The following CARHSP1 variants were observed in gnomAD, a reference collection of about 807,000 sequenced individuals.
CARHSP1 encodes calcium regulated heat stable protein 1.
Under a neutral mutation model 12.5 loss-of-function variants are expected in CARHSP1, and 14 were observed. That is an observed-to-expected ratio of 1.12 (90% CI 0.74 to 1.75). CARHSP1 has a LOEUF of 1.75. CARHSP1 is among the 40% of genes most tolerant of loss of function. The pLI is 0.00. For synonymous variants in CARHSP1, 161 were observed against 82.0 expected, an observed-to-expected ratio of 1.96 and a Z score of -5.20; for missense variants, 343 against 201.6, an observed-to-expected ratio of 1.70 and a Z score of -4.25.
chr16:8,866,560 A>G (rs2061458836), intron 1 of CARHSP1: 1 of 615,024 alleles, frequency 1.6e-6, no homozygotes, highest in African/African-American at 2.0e-5. Flanking sequence ...AGCTGAGCCC[A>G]GATAGAAGGG....
rs751527375 is a variant in CARHSP1 at position 8,859,282 on chromosome 16, G to A, written c.47C>T (p.Ala16Val). The change falls in exon 2 of 4, where the codon GCT becomes GTT. Residue 16 changes from alanine to valine, a missense_variant. Physicochemically the swap from Ala to Val is moderately conservative, Grantham distance 64. Coordinates refer to ENST00000311052, the MANE Select transcript of CARHSP1 (RefSeq NM_014316.4). ...PPPPQPPTHQ[A>V]SVGLLDTPRS... The stretch of plus-strand genomic sequence containing the variant: ...AGGGGTGTCCAGCAGCCCGACTGAA[G>A]CTTGATGGGTGGGGGGCTGTGGTGG... 12 of 1,603,636 alleles carry A rather than the reference G, an allele frequency of 7.5e-6. No homozygotes were observed. The highest frequency in any genetic ancestry group is 2.8e-5 in the African/African-American group (2 of 72,666).
In CARHSP1 at chr16:8,853,451, C is replaced by A. The variant is rs1335719153; in HGVS notation, c.*1713G>T. The A allele has an allele frequency of 6.6e-6, 1 of 152,086 alleles. No individual in the cohort carries two copies. Among genetic ancestry groups the A allele is most frequent in the Non-Finnish European group, 1.5e-5 (1 of 68,030 alleles). The allele number at this position is 152,086 out of a possible 1,614,324, so 9.4% of individuals were successfully genotyped here. A position where few individuals can be genotyped will look rare whatever the true frequency, so the allele number is the denominator to read the frequency against. ...GGCCAGGACCTAACTGTGGTGGGAACTGCCTTTGTCTCCACACACTCGCAA... is the reference window on the plus strand; with the variant it reads ...GGCCAGGACCTAACTGTGGTGGGAAATGCCTTTGTCTCCACACACTCGCAA... On this transcript the variant is annotated 3_prime_UTR_variant, in exon 4 of 4. Transcript: ENST00000311052.
chr16:8,856,835 T>C (rs1375353481), intron 3 of CARHSP1, among the ~76,000 whole-genome samples: 2 of 151,958 alleles, frequency 1.3e-5, no homozygotes, highest in East Asian at 1.9e-4. Context: ...GCCCAGAGGA[T>C]CAGAGGTGAA....
chr16:8,860,023 G>A (rs1329791689), intron 1 of CARHSP1: 2 of 431,752 alleles, frequency 4.6e-6, no homozygotes, highest in East Asian at 3.1e-4. Flanking sequence ...CAACCACCTA[G>A]ATCCAAACTC....
chr16:8,860,701 G>A (rs146588713), intron 1 of CARHSP1, among the ~76,000 whole-genome samples: 1 of 152,196 alleles, frequency 6.6e-6, no homozygotes, highest in Admixed American at 6.5e-5. Context: ...AGCCGGGAGG[G>A]ACAGCAGCAG....
chr16:8,858,255 C>G (rs1596530533), intron 3 of CARHSP1, 95 bp downstream of exon 3: 3 of 1,432,694 alleles, frequency 2.1e-6, no homozygotes, highest in Non-Finnish European at 2.8e-6. Flanking sequence ...CGTCCTCACA[C>G]CCAGCGCCCA....
At position 8,854,282 on chromosome 16, in the gene CARHSP1, A is replaced by T. The variant is rs947277297; in HGVS notation, c.*882T>A. The T allele has an allele frequency of 5.3e-5, 8 of 152,144 alleles. No individual in the cohort carries two copies. The highest frequency in any genetic ancestry group is 8.8e-5 in the Non-Finnish European group (6 of 68,024). 9.4% of individuals were successfully genotyped at this position (152,144 alleles called of 1,614,324 possible). The stretch of plus-strand genomic sequence containing the variant: ...TTGCCAGGCTGTCAGGATGCAAGCT[A>T]CCTACTCTTTTCTGGATGGATCGGG... On this transcript the variant is annotated 3_prime_UTR_variant, in exon 4 of 4. Transcript: ENST00000311052.
In CARHSP1 at chr16:8,856,556, T is replaced by C. The variant is rs368956952; in HGVS notation, c.282-1230A>G. Among the ~76,000 whole-genome samples, 49 of 151,974 alleles carry C rather than the reference T, an allele frequency of 3.2e-4. 1 individual carries two copies. Among genetic ancestry groups the C allele is most frequent in the African/African-American group, 1.2e-3 (49 of 41,428 alleles). On this transcript the variant is annotated intron_variant, in intron 3 of 3. Coordinates refer to ENST00000311052, the MANE Select transcript of CARHSP1 (RefSeq NM_014316.4). ...GGAAATACCCTTACACATCCATGTA[T>C]GCATGCATATGTGAAATGCGTCACC...
chr16:8,862,913 G>A (rs1226944282), intron 1 of CARHSP1, among the ~76,000 whole-genome samples: 1 of 151,920 alleles, frequency 6.6e-6, no homozygotes, highest in East Asian at 1.9e-4. Context: ...CCCAAAATGG[G>A]GGCCCCCTTC....
rs763437637 is a variant in CARHSP1, at chr16:8,859,237, G to C, written c.92C>G (p.Pro31Arg). The change falls in exon 2 of 4, where the codon CCA becomes CGA. Residue 31 changes from proline to arginine, a missense_variant. Pro to Arg is a moderately radical substitution (Grantham distance 103). Coordinates refer to ENST00000311052, the MANE Select transcript of CARHSP1 (RefSeq NM_014316.4). ...LDTPRSRERS[P>R]SPLRGNVVPS... ...GACCACGTTGCCCCGCAGAGGGGAT[G>C]GTGAGCGCTCACGGCTCCGAGGGGT... is the stretch of plus-strand genomic sequence containing the variant. 3.1e-6 allele frequency: 5 copies of C among 1,602,178 alleles called. No homozygotes were observed. Among genetic ancestry groups the C allele is most frequent in the Non-Finnish European group, 3.4e-6 (4 of 1,176,836 alleles).
chr16:8,858,360 G>A lies in CARHSP1; in HGVS notation c.271C>T (p.His91Tyr). The change falls in exon 3 of 4, where the codon CAC becomes TAC. Residue 91 changes from histidine to tyrosine, a missense_variant. By Grantham distance (83) the His-to-Tyr change is moderately conservative. Transcript: ENST00000311052. ...PADGGPDIFL[H>Y]ISDVEGEYVP... ...CTGCCGCTGACTCACTCAGAGATGTGCAGGAAGATGTCGGGGCCGCCATCA... is the reference window on the plus strand; with the variant it reads ...CTGCCGCTGACTCACTCAGAGATGTACAGGAAGATGTCGGGGCCGCCATCA... 1.9e-6 allele frequency: 3 copies of A among 1,613,762 alleles called. No homozygotes were observed. Among genetic ancestry groups the A allele is most frequent in the Non-Finnish European group, 1.7e-6 (2 of 1,179,992 alleles).
intron 1 of CARHSP1, chr16:8,868,560 C>T (rs1021058135): frequency 2.0e-5 from 3 of 148,660 alleles, no homozygotes; most frequent in African/African-American, 7.3e-5. Context: ...CGGCCAGGCC[C>T]GGCGGGGGGT....
In CARHSP1 at chr16:8,853,816, T is replaced by C. The variant is rs1392045595; in HGVS notation, c.*1348A>G. On this transcript the variant is annotated 3_prime_UTR_variant, in exon 4 of 4. Coordinates refer to ENST00000311052, the MANE Select transcript of CARHSP1 (RefSeq NM_014316.4). ...AAAAAAGTTTGCAGGCCGGGCGCGA[T>C]GGCTCACACTTGTAATCCCAGCACT... The C allele has an allele frequency of 6.6e-6, 1 of 152,238 alleles. No individual in the cohort carries two copies. The highest frequency in any genetic ancestry group is 2.4e-5 in the African/African-American group (1 of 41,458). 9.4% of individuals were successfully genotyped at this position (152,238 alleles called of 1,614,324 possible). A position where few individuals can be genotyped will look rare whatever the true frequency, so the allele number is the denominator to read the frequency against.
rs765114977 is a variant in CARHSP1, at chr16:8,861,158, ATTTTTTTTTTTTTTTTTTTTT to A, written c.-7-1844_-7-1824del. 1.6e-3 allele frequency among the ~76,000 whole-genome samples: 84 copies of A among 51,264 alleles called. 1 individual carries two copies. The highest frequency in any genetic ancestry group is 5.8e-3 in the African/African-American group (67 of 11,608). 33.6% of individuals were successfully genotyped at this position (51,264 alleles called of 152,430 possible). A position where few individuals can be genotyped will look rare whatever the true frequency, so the allele number is the denominator to read the frequency against. On this transcript the variant is annotated intron_variant, in intron 1 of 3. Coordinates refer to ENST00000311052, the MANE Select transcript of CARHSP1 (RefSeq NM_014316.4). ...ACTGTAGCCTTGACCTCCATGCCTA[ATTTTTTTTTTTTTTTTTTTTT>A]TTTTTTTTTTTTTTTTTTTTATAGA... is the stretch of plus-strand genomic sequence containing the variant.
At chr16:8,867,199 C>G (rs536671933) in intron 1 of CARHSP1, 2 of 152,472 alleles carry the variant, frequency 1.3e-5, no homozygotes, top group South Asian at 4.1e-4. Context: ...ACACGCCTCC[C>G]CCACTCAATC....
In CARHSP1 at chr16:8,854,013, G is replaced by A. The variant is rs2061018862; in HGVS notation, c.*1151C>T. 10 of 152,182 alleles carry A rather than the reference G, an allele frequency of 6.6e-5. No homozygotes were observed. Among genetic ancestry groups the A allele is most frequent in the Admixed American group, 6.5e-4 (10 of 15,268 alleles). 9.4% of individuals were successfully genotyped at this position (152,182 alleles called of 1,614,324 possible). On this transcript the variant is annotated 3_prime_UTR_variant, in exon 4 of 4. Coordinates refer to ENST00000311052, the MANE Select transcript of CARHSP1 (RefSeq NM_014316.4). ...AGGCGGAATTGCCAGAACCCTGGAG[G>A]GCAGAGGTTGCAGTAAGCTGAGATC...
chr16:8,866,482 G>C, intron 1 of CARHSP1: 5 of 985,398 alleles, frequency 5.1e-6, no homozygotes, highest in Non-Finnish European at 6.0e-6. Flanking sequence ...ACCCATCCCA[G>C]TCTCCAGCGC....
rs1278383185 is a variant in CARHSP1, at chr16:8,860,296, C to T, written c.-7-961G>A. The T allele has an allele frequency of 1.0e-5, 10 of 983,826 alleles. 1 individual carries two copies. Among genetic ancestry groups the T allele is most frequent in the Non-Finnish European group, 1.1e-5 (9 of 828,588 alleles). The allele number at this position is 983,826 out of a possible 1,614,324, so 60.9% of individuals were successfully genotyped here. On this transcript the variant is annotated intron_variant, in intron 1 of 3. Transcript: ENST00000311052. The stretch of plus-strand genomic sequence containing the variant: ...TCAGGCCCAGTGAATTTCCACACAG[C>T]CCGGGTCACCACGCTGTTATGAAAT...
At chr16:8,859,020 A>C (rs1311664809) in intron 2 of CARHSP1, 151 bp downstream of exon 2, 2 of 640,298 alleles carry the variant, frequency 3.1e-6, no homozygotes, top group East Asian at 2.9e-5. Context: ...GCGCCTTCCT[A>C]GTTTCTCACC....
Sources: allele counts gnomAD v4.1 joint callset (sites outside exome capture counted in the v4.1 genomes callset), GRCh38; gene constraint gnomAD v4.1.1; transcripts MANE v1.5; gene names NCBI Gene and HGNC (gene_info 2026-07-23, HGNC 2026-07-21).